Variants in MCC observed in about 807,000 individuals in gnomAD.
MCC encodes MCC regulator of Wnt signaling pathway.
A neutral mutation model predicts 116.2 loss-of-function variants in MCC; 90 were observed. The ratio of observed to expected loss-of-function variants is 0.77; its 90% CI spans 0.65 to 0.92. MCC has a LOEUF of 0.92. MCC is among the 40% of genes least tolerant of loss of function. MCC has a pLI of 0.00. For missense variants in MCC, 1,516 were observed against 1,312.2 expected (o/e 1.16, Z -2.40); for synonymous variants, 578 against 510.5 (o/e 1.13, Z -1.78).
chr5:113,407,701 C>T (rs1008146961), intron 1 of MCC, among the ~76,000 whole-genome samples: 10 of 152,242 alleles, frequency 6.6e-5, no homozygotes, highest in Middle Eastern at 6.8e-3. Context: ...CATAGGTATA[C>T]GTGTGCCATG....
At chr5:113,378,982 A>G (rs1769047319) in intron 2 of MCC, among the ~76,000 whole-genome samples, 1 of 152,194 alleles carries the variant, frequency 6.6e-6, no homozygotes, top group Non-Finnish European at 1.5e-5. Flanking sequence ...TTTGTTTTTC[A>G]TGGGAAAATT....
At chr5:113,467,791 C>T (rs1205943292) in intron 1 of MCC, among the ~76,000 whole-genome samples, 5 of 152,286 alleles carry the variant, frequency 3.3e-5, no homozygotes, top group East Asian at 1.9e-4. Context: ...GCCATTTTCA[C>T]GATATTGATT....
At chr5:113,448,931 T>C (rs1771301681) in intron 1 of MCC, among the ~76,000 whole-genome samples, 1 of 152,252 alleles carries the variant, frequency 6.6e-6, no homozygotes, top group Non-Finnish European at 1.5e-5. Context: ...GTTTGAAATG[T>C]GGATTAAATT....
chr5:113,313,370 A>G (rs1021881374), intron 3 of MCC, among the ~76,000 whole-genome samples: 2 of 151,994 alleles, frequency 1.3e-5, no homozygotes, highest in African/African-American at 4.8e-5. Flanking sequence ...CAAACAAACA[A>G]CAAAAACGTG....
chr5:113,160,401 T>C (rs1760417972), intron 3 of MCC, among the ~76,000 whole-genome samples: 1 of 152,250 alleles, frequency 6.6e-6, no homozygotes, highest in Non-Finnish European at 1.5e-5. Context: ...ATGTGCTAGA[T>C]TGCTATACTC....
At chr5:113,098,755 C>T (rs1453837061) in intron 8 of MCC, among the ~76,000 whole-genome samples, 1 of 152,080 alleles carries the variant, frequency 6.6e-6, no homozygotes, top group Admixed American at 6.5e-5. Flanking sequence ...AGCACCAATC[C>T]TATTGATCTG....
intron 5 of MCC, among the ~76,000 whole-genome samples, chr5:113,124,619 C>G (rs1757936890): frequency 6.6e-6 from 1 of 152,106 alleles, no homozygotes; most frequent in Non-Finnish European, 1.5e-5. Context: ...CTAGAGATTA[C>G]TAGGATGAAC....
chr5:113,382,799 A>G (rs1313549111), intron 2 of MCC, among the ~76,000 whole-genome samples: 1 of 152,188 alleles, frequency 6.6e-6, no homozygotes, highest in Non-Finnish European at 1.5e-5. Context: ...AGGTTAAATA[A>G]TTTGTCTAGT....
At chr5:113,156,810 A>C (rs1183815193) in intron 3 of MCC, among the ~76,000 whole-genome samples, 1 of 152,170 alleles carries the variant, frequency 6.6e-6, no homozygotes, top group Non-Finnish European at 1.5e-5. Flanking sequence ...AACGAAACTA[A>C]ACCACCTGGA....
At chr5:113,407,528 C>G (rs1183785667) in intron 1 of MCC, among the ~76,000 whole-genome samples, 1 of 152,110 alleles carries the variant, frequency 6.6e-6, no homozygotes, top group African/African-American at 2.4e-5. Flanking sequence ...ACAGCAGGCT[C>G]CACAGTACTG....
chr5:113,033,616 AC>A (rs1472652551), intron 17 of MCC, among the ~76,000 whole-genome samples: 25 of 152,276 alleles, frequency 1.6e-4, no homozygotes, highest in African/African-American at 5.5e-4. Flanking sequence ...TCAACACTAC[AC>A]GTTCCATATG....
intron 17 of MCC, among the ~76,000 whole-genome samples, chr5:113,030,098 G>T (rs564275854): frequency 6.6e-6 from 1 of 152,228 alleles, no homozygotes; most frequent in Admixed American, 6.5e-5. Flanking sequence ...CGTTTAAAAA[G>T]GACTCACTGT....
At chr5:113,180,991 T>A (rs758539135) in intron 3 of MCC, among the ~76,000 whole-genome samples, 2 of 152,182 alleles carry the variant, frequency 1.3e-5, no homozygotes, top group Non-Finnish European at 2.9e-5. Context: ...TTTTGAAGAA[T>A]CAAAAGATTC....
At chr5:113,167,927 G>A (rs1760864856) in intron 3 of MCC, among the ~76,000 whole-genome samples, 1 of 152,160 alleles carries the variant, frequency 6.6e-6, no homozygotes, top group African/African-American at 2.4e-5. Flanking sequence ...ACTGCACCCA[G>A]TCAATACCAT....
In MCC at chr5:113,083,001, C is replaced by T; in HGVS notation, c.1643G>A (p.Ser548Asn). The T allele has an allele frequency of 6.2e-7, 1 of 1,610,798 alleles. No homozygotes were observed. The change falls in exon 11 of 19, where the codon AGC (serine) becomes AAC (asparagine). Residue 548 changes from serine (S) to asparagine (N), a missense_variant. By Grantham distance (46) the Ser-to-Asn change is conservative. Transcript: ENST00000408903. The part of the protein sequence containing the change: ...GSEISSIGVS[S>N]SVAEHLAHSL... ...GTGGGCCAGGTGTTCAGCCACACTG[C>T]TGGATACCTGCAAAAAGAAGCATTA...
At chr5:113,263,734 T>C (rs753758138) in intron 3 of MCC, among the ~76,000 whole-genome samples, 1 of 152,198 alleles carries the variant, frequency 6.6e-6, no homozygotes, top group East Asian at 1.9e-4. Flanking sequence ...AGCTATTACC[T>C]ACGGGGGTTA....
At chr5:113,342,168 T>C (rs1768034371) in intron 2 of MCC, among the ~76,000 whole-genome samples, 1 of 152,236 alleles carries the variant, frequency 6.6e-6, no homozygotes, top group East Asian at 1.9e-4. Context: ...AATGCCATTA[T>C]TTTGTTCCTT....
At chr5:113,318,969 T>G (rs1326863836) in intron 3 of MCC, among the ~76,000 whole-genome samples, 1 of 152,164 alleles carries the variant, frequency 6.6e-6, no homozygotes, top group Non-Finnish European at 1.5e-5. Flanking sequence ...TGGGCTCAAG[T>G]GATCCTCCTA....
At chr5:113,361,557 G>A (rs1768548228) in intron 2 of MCC, among the ~76,000 whole-genome samples, 1 of 152,140 alleles carries the variant, frequency 6.6e-6, no homozygotes, top group Admixed American at 6.5e-5. Context: ...CTCTTTAAGA[G>A]TATATTTGTG....
Sources: allele counts gnomAD v4.1 joint callset (sites outside exome capture counted in the v4.1 genomes callset), GRCh38; gene constraint gnomAD v4.1.1; transcripts MANE v1.5; gene names NCBI Gene and HGNC (gene_info 2026-07-23, HGNC 2026-07-21).